Variants in PAPPA2 observed in about 807,000 individuals in gnomAD.
PAPPA2 encodes the protein pappalysin 2.
A neutral mutation model predicts 176.4 loss-of-function variants in PAPPA2; 86 were observed. The ratio of observed to expected loss-of-function variants is 0.49; its 90% confidence interval spans 0.41 to 0.58. The LOEUF (loss-of-function observed/expected upper bound fraction) is 0.58, where lower values mean the gene tolerates loss of function less well. Among genes scored for constraint, PAPPA2 ranks in the 20% least tolerant of loss-of-function variants. The pLI, the probability that PAPPA2 is intolerant of heterozygous loss-of-function variation, is 0.00. For missense variants in PAPPA2, 2,073 were observed against 2,256.9 expected, an observed-to-expected ratio of 0.92 and a Z score of 1.65; for synonymous variants, 809 against 852.2, an observed-to-expected ratio of 0.95 and a Z score of 0.88.
At chr1:176,747,772 T>C (rs887454831) in intron 14 of PAPPA2, among the ~76,000 whole-genome samples, 1 of 152,340 alleles carries the variant, frequency 6.6e-6, no homozygotes, top group South Asian at 2.1e-4. Context: ...AAGGCTATAA[T>C]GAGGTGTCAG....
At chr1:176,814,367 C>T (rs1004902967) in intron 21 of PAPPA2, among the ~76,000 whole-genome samples, 2 of 152,100 alleles carry the variant, frequency 1.3e-5, no homozygotes, top group South Asian at 2.1e-4. Flanking sequence ...CTATGAATTA[C>T]GTTGGACAGT....
intron 4 of PAPPA2, among the ~76,000 whole-genome samples, chr1:176,680,007 A>G (rs1475530363): frequency 6.6e-6 from 1 of 152,192 alleles, no homozygotes; most frequent in Non-Finnish European, 1.5e-5. Context: ...GAGCTTTCTG[A>G]CTTTTCAAGC....
At chr1:176,466,460 T>C (rs1651624720) in intron 1 of PAPPA2, among the ~76,000 whole-genome samples, 1 of 152,138 alleles carries the variant, frequency 6.6e-6, no homozygotes. Flanking sequence ...CTGGGTCAAG[T>C]AAGTTATCAT....
chr1:176,775,606 C>A (rs1052954468), intron 17 of PAPPA2, among the ~76,000 whole-genome samples: 2 of 152,126 alleles, frequency 1.3e-5, no homozygotes, highest in African/African-American at 4.8e-5. Flanking sequence ...TCATACTTGG[C>A]TGCTCATGAG....
At chr1:176,525,678 T>G (rs567553230) in intron 1 of PAPPA2, among the ~76,000 whole-genome samples, 74 of 152,324 alleles carry the variant, frequency 4.9e-4, no homozygotes, top group Non-Finnish European at 8.2e-4. Flanking sequence ...CAACTGAAAT[T>G]TCAAAATTCC....
intron 3 of PAPPA2, among the ~76,000 whole-genome samples, chr1:176,654,870 T>C (rs1657939753): frequency 6.6e-6 from 1 of 151,874 alleles, no homozygotes; most frequent in African/African-American, 2.4e-5. Context: ...GTTTTTCAGT[T>C]TGATCATTAT....
intron 1 of PAPPA2, among the ~76,000 whole-genome samples, chr1:176,518,566 G>A (rs1158408935): frequency 3.3e-5 from 5 of 152,044 alleles, no homozygotes; most frequent in East Asian, 3.8e-4. Flanking sequence ...ATGCCTTTAA[G>A]TGCAGTTAAA....
chr1:176,704,150 C>T (rs1292790648), intron 9 of PAPPA2, among the ~76,000 whole-genome samples: 1 of 152,180 alleles, frequency 6.6e-6, no homozygotes, highest in Admixed American at 6.5e-5. Flanking sequence ...GGGTGGAGGG[C>T]TCTTTCCCTA....
At chr1:176,780,731 A>T (rs73048142) in intron 17 of PAPPA2, among the ~76,000 whole-genome samples, 1,850 of 152,184 alleles carry the variant, frequency 0.012, 33 homozygotes, top group African/African-American at 0.042. Context: ...ATAAATAGGC[A>T]TATTCTCGGT....
chr1:176,602,127 C>CT (rs1654360063), intron 3 of PAPPA2, among the ~76,000 whole-genome samples: 1 of 152,146 alleles, frequency 6.6e-6, no homozygotes, highest in Admixed American at 6.5e-5. Context: ...TATTTGTTTT[C>CT]TCTATATTTG....
chr1:176,684,388 G>C (rs1286044628), intron 4 of PAPPA2, among the ~76,000 whole-genome samples: 1 of 152,122 alleles, frequency 6.6e-6, no homozygotes, highest in African/African-American at 2.4e-5. Context: ...GAGAGAAGGT[G>C]GGGGAGCCTG....
intron 6 of PAPPA2, among the ~76,000 whole-genome samples, chr1:176,694,412 A>G (rs1196214585): frequency 6.6e-6 from 1 of 152,264 alleles, no homozygotes; most frequent in Admixed American, 6.5e-5. Context: ...ATTTGTAAAC[A>G]TAAGGTTATT....
chr1:176,467,084 T>C (rs1480393599), intron 1 of PAPPA2, among the ~76,000 whole-genome samples: 1 of 152,200 alleles, frequency 6.6e-6, no homozygotes, highest in African/African-American at 2.4e-5. Context: ...ACCTACACTG[T>C]ATAGTCTACT....
chr1:176,497,223 C>G (rs1167465883), intron 1 of PAPPA2, among the ~76,000 whole-genome samples: 7 of 152,120 alleles, frequency 4.6e-5, no homozygotes, highest in South Asian at 2.1e-4. Context: ...ATTTTCTGTT[C>G]TCATTTAAAA....
intron 7 of PAPPA2, among the ~76,000 whole-genome samples, chr1:176,697,535 TG>T (rs1660443596): frequency 6.6e-6 from 1 of 152,196 alleles, no homozygotes; most frequent in Non-Finnish European, 1.5e-5. Context: ...CACAAACACA[TG>T]TATTTATAAA....
intron 3 of PAPPA2, among the ~76,000 whole-genome samples, chr1:176,645,239 C>T (rs1211729589): frequency 2.6e-5 from 4 of 151,310 alleles, no homozygotes; most frequent in African/African-American, 9.7e-5. Context: ...TCTTTTTATC[C>T]TCCCTCCCTT....
chr1:176,707,314 A>G (rs932041168), intron 10 of PAPPA2, among the ~76,000 whole-genome samples: 2 of 152,224 alleles, frequency 1.3e-5, no homozygotes, highest in Non-Finnish European at 2.9e-5. Flanking sequence ...CCTGCTCTCC[A>G]GAGCCAGACC....
chr1:176,692,009 G>T, intron 5 of PAPPA2, 117 bp from the exon 6 acceptor site: 2 of 918,046 alleles, frequency 2.2e-6, no homozygotes, highest in East Asian at 2.5e-5. Context: ...ACAAGTAAGT[G>T]CTCATTGAGC....
intron 3 of PAPPA2, among the ~76,000 whole-genome samples, chr1:176,606,756 C>T (rs1052949061): frequency 1.3e-5 from 2 of 152,182 alleles, no homozygotes; most frequent in Admixed American, 1.3e-4. Flanking sequence ...AGCCACCATG[C>T]CTGGCTGAGT....
Sources: gnomAD v4.1 joint callset for allele counts (sites outside exome capture counted in the v4.1 genomes callset) on GRCh38, gnomAD v4.1.1 for gene constraint, MANE v1.5 for transcripts, NCBI Gene and HGNC (gene_info 2026-07-23, HGNC 2026-07-21) for gene names.